The following CENPP variants were observed in gnomAD, a reference collection of about 807,000 sequenced individuals.
The protein encoded by CENPP is centromere protein P.
Under a neutral mutation model 35.6 loss-of-function variants are expected in CENPP, and 24 were observed. That is an observed-to-expected ratio of 0.67 (90% CI 0.49 to 0.95). The LOEUF (loss-of-function observed/expected upper bound fraction) is 0.95. CENPP is among the 40% of genes least tolerant of loss of function. The pLI, the probability that CENPP is intolerant of heterozygous loss-of-function variation, is 0.00. For synonymous variants in CENPP, 120 were observed against 125.5 expected, an observed-to-expected ratio of 0.96 and a Z score of 0.29; for missense variants, 332 against 345.3, an observed-to-expected ratio of 0.96 and a Z score of 0.31.
intron 5 of CENPP, among the ~76,000 whole-genome samples, chr9:92,494,413 C>A (rs10514815): frequency 0.41 from 61,834 of 152,044 alleles, 14,718 homozygotes; most frequent in African/African-American, 0.66. Flanking sequence ...AACCTGGCCA[C>A]TTTAAAATTA....
At chr9:92,343,356 A>G (rs10992312) in intron 3 of CENPP, among the ~76,000 whole-genome samples, 38,025 of 152,078 alleles carry the variant, frequency 0.25, 6,835 homozygotes, top group African/African-American at 0.5. Flanking sequence ...TTAGTACTAC[A>G]TTTGTGAAGA....
chr9:92,434,579 T>G (rs1844201230), intron 5 of CENPP, among the ~76,000 whole-genome samples: 1 of 152,170 alleles, frequency 6.6e-6, no homozygotes, highest in Admixed American at 6.6e-5. Context: ...GCTTACAAAT[T>G]TCTGATTAAT....
intron 5 of CENPP, among the ~76,000 whole-genome samples, chr9:92,598,943 A>C (rs1020551884): frequency 6.6e-6 from 1 of 151,888 alleles, no homozygotes; most frequent in Non-Finnish European, 1.5e-5. Flanking sequence ...CCCCATCTCT[A>C]CTAAAAATTA....
chr9:92,459,058 G>A (rs1367950660), intron 5 of CENPP, among the ~76,000 whole-genome samples: 2 of 152,114 alleles, frequency 1.3e-5, no homozygotes, highest in Non-Finnish European at 2.9e-5. Flanking sequence ...AGCCAGTTAA[G>A]AGTTGTCAAA....
At chr9:92,365,960 C>A (rs1212844046) in intron 4 of CENPP, among the ~76,000 whole-genome samples, 2 of 151,382 alleles carry the variant, frequency 1.3e-5, no homozygotes, top group Non-Finnish European at 2.9e-5. Context: ...GCGGGCGGAT[C>A]ACGAGGTCAG....
At chr9:92,582,042 GTTTTGTTTT>G (rs1850438800) in intron 5 of CENPP, among the ~76,000 whole-genome samples, 1 of 151,730 alleles carries the variant, frequency 6.6e-6, no homozygotes, top group African/African-American at 2.4e-5. Context: ...GTTTTGTTTT[GTTTTGTTTT>G]GTTTTGTTTT....
At chr9:92,514,655 G>A (rs147083553) in intron 5 of CENPP, 77 of 1,594,742 alleles carry the variant, frequency 4.8e-5, no homozygotes, top group Non-Finnish European at 6.4e-5. Context: ...CTTGTTATCT[G>A]TGGTGCTGTC....
intron 5 of CENPP, among the ~76,000 whole-genome samples, chr9:92,436,778 A>G (rs139881679): frequency 1.3e-5 from 2 of 152,270 alleles, no homozygotes; most frequent in African/African-American, 4.8e-5. Context: ...CTTGATTACT[A>G]TAGTTATATT....
intron 5 of CENPP, among the ~76,000 whole-genome samples, chr9:92,402,939 T>C (rs1843177465): frequency 6.6e-6 from 1 of 152,228 alleles, no homozygotes; most frequent in African/African-American, 2.4e-5. Flanking sequence ...TTGTGTAACA[T>C]TACTTAATAT....
intron 6 of CENPP, 92 bp from the exon 7 acceptor site, chr9:92,612,431 T>C (rs377207955): frequency 3.1e-6 from 3 of 962,478 alleles, no homozygotes; most frequent in African/African-American, 3.2e-5. Flanking sequence ...GAGCCCAGCA[T>C]GGGGAAATGG....
At chr9:92,592,050 TAAAAA>T (rs573722360) in intron 5 of CENPP, among the ~76,000 whole-genome samples, 3 of 149,550 alleles carry the variant, frequency 2.0e-5, no homozygotes, top group African/African-American at 7.4e-5. Context: ...ACTTAAAGTA[TAAAAA>T]AAAATAGACA....
intron 5 of CENPP, among the ~76,000 whole-genome samples, chr9:92,603,160 A>G (rs1350491454): frequency 6.6e-6 from 1 of 152,234 alleles, no homozygotes; most frequent in African/African-American, 2.4e-5. Context: ...CATATAGCCA[A>G]TCAACAGCTA....
intron 5 of CENPP, among the ~76,000 whole-genome samples, chr9:92,382,445 G>A: frequency 6.6e-6 from 1 of 152,040 alleles, no homozygotes; most frequent in Non-Finnish European, 1.5e-5. Context: ...CAATGGTATA[G>A]AACTTATTCC....
At chr9:92,343,880 T>C (rs913185961) in intron 3 of CENPP, among the ~76,000 whole-genome samples, 1 of 150,620 alleles carries the variant, frequency 6.6e-6, no homozygotes, top group African/African-American at 2.4e-5. Flanking sequence ...GGAGGATTGC[T>C]TGAGCCCACA....
At chr9:92,443,978 A>G (rs1390310440) in intron 5 of CENPP, among the ~76,000 whole-genome samples, 5 of 152,076 alleles carry the variant, frequency 3.3e-5, no homozygotes, top group Admixed American at 1.3e-4. Flanking sequence ...ATCTTAAGGT[A>G]TAGACCTATG....
At chr9:92,358,112 C>A (rs1841641469) in intron 4 of CENPP, among the ~76,000 whole-genome samples, 1 of 150,488 alleles carries the variant, frequency 6.6e-6, no homozygotes, top group African/African-American at 2.4e-5. Flanking sequence ...TATCTTTCAT[C>A]AAATTTGGGA....
intron 5 of CENPP, among the ~76,000 whole-genome samples, chr9:92,563,246 C>A (rs530888622): frequency 6.6e-6 from 1 of 152,182 alleles, no homozygotes; most frequent in African/African-American, 2.4e-5. Context: ...ATCATGCCTT[C>A]CAAGAAGCAT....
intron 5 of CENPP, among the ~76,000 whole-genome samples, chr9:92,470,380 G>T (rs1163680812): frequency 6.6e-6 from 1 of 152,124 alleles, no homozygotes; most frequent in Non-Finnish European, 1.5e-5. Flanking sequence ...TCATTTTAAT[G>T]TATAGTGACT....
In CENPP at chr9:92,413,140, A is replaced by G. The variant is rs1052706416; in HGVS notation, c.564+33281A>G. On this transcript the variant is annotated intron_variant, in intron 5 of 7. Transcript: ENST00000375587. ...GCCGGGATTACAGGCATGTGCCACC[A>G]TGCCTGGCTAATTATTTTGTATTTT... Among the ~76,000 whole-genome samples the G allele has an allele frequency of 2.6e-5, 4 of 151,722 alleles. No homozygotes were observed. The East Asian group carries it at 5.8e-4, about 22-fold the overall frequency.
Sources: gnomAD v4.1 joint callset for allele counts (sites outside exome capture counted in the v4.1 genomes callset) on GRCh38, gnomAD v4.1.1 for gene constraint, MANE v1.5 for transcripts, NCBI Gene and HGNC (gene_info 2026-07-23, HGNC 2026-07-21) for gene names.